TMIGD3: variants seen among roughly 807,000 people sequenced by gnomAD.
The protein encoded by TMIGD3 is transmembrane and immunoglobulin domain containing 3.
In TMIGD3, 21 loss-of-function variants were observed where a neutral mutation model predicts 28.1. The observed-to-expected ratio is 0.75, with a 90% CI of 0.53 to 1.08. The LOEUF is 1.08. Ranked by LOEUF, TMIGD3 falls within the 50% of genes least tolerant of loss-of-function variation. The pLI is 0.00. For synonymous variants in TMIGD3, 151 were observed against 162.1 expected (o/e 0.93, Z 0.52); for missense variants, 416 against 435.6 (o/e 0.96, Z 0.40).
chr1:111,542,579 C>G (rs1210097862), intron 1 of TMIGD3: 2 of 159,044 alleles, frequency 1.3e-5, no homozygotes. Flanking sequence ...GCCCTTTCTT[C>G]TGTGACTTAC....
At chr1:111,512,046 C>G (rs1462136378) in intron 1 of TMIGD3, among the ~76,000 whole-genome samples, 1 of 152,246 alleles carries the variant, frequency 6.6e-6, no homozygotes, top group African/African-American at 2.4e-5. Context: ...AGCAAGCCCC[C>G]TTCACTGGCT....
intron 1 of TMIGD3, among the ~76,000 whole-genome samples, chr1:111,528,056 T>G (rs2101010767): frequency 6.6e-6 from 1 of 152,316 alleles, no homozygotes; most frequent in Non-Finnish European, 1.5e-5. Context: ...TTTGGAGTTG[T>G]ATATAAAAAC....
chr1:111,537,378 C>T (rs1656672986), intron 1 of TMIGD3, among the ~76,000 whole-genome samples: 1 of 152,180 alleles, frequency 6.6e-6, no homozygotes, highest in South Asian at 2.1e-4. Flanking sequence ...TCATTTATAG[C>T]TCCTAGCACA....
intron 1 of TMIGD3, among the ~76,000 whole-genome samples, chr1:111,527,399 T>G (rs1191619486): frequency 1.3e-5 from 2 of 152,236 alleles, no homozygotes; most frequent in Non-Finnish European, 2.9e-5. Flanking sequence ...TTTATTTATC[T>G]ATTCACCTAC....
At chr1:111,556,743 G>T (rs1657505913) in intron 1 of TMIGD3, among the ~76,000 whole-genome samples, 1 of 152,068 alleles carries the variant, frequency 6.6e-6, no homozygotes, top group Non-Finnish European at 1.5e-5. Context: ...AGGGAGGGAG[G>T]AGTGGATAGT....
Position 111,499,090 on chromosome 1 carries a change from C to CAA in TMIGD3, c.350+3913_350+3914dup, listed in dbSNP as rs59510125. On this transcript the variant is annotated intron_variant, in intron 1 of 5. Transcript: ENST00000369716. ...TAGGTGACAGAACGAGACCTTGTCT[C>CAA]AAAAAAAAAAAGAAAAAAAAGAAAG... 1.3e-3 allele frequency among the ~76,000 whole-genome samples: 176 copies of CAA among 135,606 alleles called. 1 individual carries two copies. The highest frequency in any genetic ancestry group is 3.2e-3 in the Admixed American group (44 of 13,554). The allele number at this position is 135,606 out of a possible 152,430, so 89.0% of individuals were successfully genotyped here. A position where few individuals can be genotyped will look rare whatever the true frequency, so the allele number is the denominator to read the frequency against.
At chr1:111,497,886 T>G (rs533389470) in intron 1 of TMIGD3, among the ~76,000 whole-genome samples, 2 of 152,156 alleles carry the variant, frequency 1.3e-5, no homozygotes, top group South Asian at 4.1e-4. Context: ...AAGCTGTTTG[T>G]AAATTAAGAA....
At chr1:111,537,137 A>G (rs978658163) in intron 1 of TMIGD3, among the ~76,000 whole-genome samples, 2 of 152,200 alleles carry the variant, frequency 1.3e-5, no homozygotes, top group Non-Finnish European at 2.9e-5. Flanking sequence ...TTCAAGGCCT[A>G]GAGTCATGTA....
intron 1 of TMIGD3, among the ~76,000 whole-genome samples, chr1:111,497,035 C>T (rs556802119): frequency 4.6e-5 from 7 of 152,254 alleles, no homozygotes; most frequent in African/African-American, 1.7e-4. Context: ...AGAATAAAAG[C>T]CCGCAGTTAT....
At position 111,543,849 on chromosome 1, in the gene TMIGD3, A is replaced by G. The variant is rs1469702915; in HGVS notation, c.107+19997T>C. 4.6e-5 allele frequency among the ~76,000 whole-genome samples: 7 copies of G among 152,246 alleles called. No individual in the cohort carries two copies. In the East Asian group the frequency reaches 9.7e-4, roughly 21 times the overall value. ...CAGGGTGGGCCATTTTGAAGTTGGT[A>G]AGGGTTTATTTTAAAGGATTGGGCC... On this transcript the variant is annotated intron_variant, in intron 1 of 5. Transcript: ENST00000369717.
chr1:111,509,120 A>G (rs1655608436), intron 1 of TMIGD3, among the ~76,000 whole-genome samples: 1 of 152,174 alleles, frequency 6.6e-6, no homozygotes, highest in Admixed American at 6.5e-5. Flanking sequence ...CAAAAGCAGC[A>G]CCAGGATGGG....
At chr1:111,506,428 C>T (rs1055347961), upstream of TMIGD3, among the ~76,000 whole-genome samples, 80 of 152,306 alleles carry the variant, frequency 5.3e-4, no homozygotes, top group African/African-American at 1.8e-3. Flanking sequence ...TCAATGCTCT[C>T]GAATGAAATA....
intron 1 of TMIGD3, among the ~76,000 whole-genome samples, chr1:111,495,406 A>G (rs560374708): frequency 4.1e-4 from 62 of 152,286 alleles, no homozygotes; most frequent in African/African-American, 1.4e-3. Flanking sequence ...ATCAAAATCA[A>G]AATGAGATAC....
At chr1:111,524,154 C>T (rs1168590561) in intron 1 of TMIGD3, among the ~76,000 whole-genome samples, 1 of 150,678 alleles carries the variant, frequency 6.6e-6, no homozygotes, top group Non-Finnish European at 1.5e-5. Flanking sequence ...CTCAGCCTCC[C>T]AAGTAGCTGG....
chr1:111,506,892 C>CAAAA (rs10653519), upstream of TMIGD3, among the ~76,000 whole-genome samples: 18 of 132,240 alleles, frequency 1.4e-4, no homozygotes, highest in South Asian at 4.9e-4. Context: ...TTCTTAAAAA[C>CAAAA]AAAAAATATA....
chr1:111,517,876 GC>G (rs1457588843), intron 1 of TMIGD3, among the ~76,000 whole-genome samples: 1 of 152,130 alleles, frequency 6.6e-6, no homozygotes. Flanking sequence ...TAAAACCAGT[GC>G]CCCTCTCAGC....
rs2100985183 is a variant in TMIGD3 at position 111,503,341 on chromosome 1, C to T, written c.14G>A (p.Ser5Asn). Residue 5 changes from serine (S) to asparagine (N), a missense_variant, in exon 1 of 6, where the codon AGC becomes AAC. Transcript: ENST00000369716. ...AACATTGGCCAATGACAGAGCAGTG[C>T]TGTTGTTGGGCATCTTGCCTTCCCA... MPNN[S>N]TALSLANVTY... is the part of the protein sequence containing the mutation. 1 of 1,610,406 alleles carries T rather than the reference C, an allele frequency of 6.2e-7. No homozygotes were observed. Among genetic ancestry groups the T allele is most frequent in the Non-Finnish European group, 8.5e-7 (1 of 1,177,300 alleles).
chr1:111,494,014 G>A (rs1327855882), intron 1 of TMIGD3, among the ~76,000 whole-genome samples: 2 of 152,204 alleles, frequency 1.3e-5, no homozygotes, highest in Admixed American at 1.3e-4. Context: ...GAATATACAA[G>A]TGGACTATGG....
intron 1 of TMIGD3, among the ~76,000 whole-genome samples, chr1:111,519,473 T>G (rs1404534761): frequency 6.6e-6 from 1 of 152,188 alleles, no homozygotes; most frequent in Non-Finnish European, 1.5e-5. Context: ...TCCAGATTAA[T>G]TTATTAAAAT....
Sources: allele counts gnomAD v4.1 joint callset (sites outside exome capture counted in the v4.1 genomes callset), GRCh38; gene constraint gnomAD v4.1.1; transcripts MANE v1.5; gene names NCBI Gene and HGNC (gene_info 2026-07-23, HGNC 2026-07-21).